Variants in GSE1 observed in about 807,000 individuals in gnomAD.
GSE1 encodes genetic suppressor element 1.
A neutral mutation model predicts 112.6 loss-of-function variants in GSE1; 32 were observed. The observed-to-expected ratio is 0.28, with a 90% CI of 0.21 to 0.38. The LOEUF is 0.38. GSE1 is among the 10% of genes least tolerant of loss of function. The pLI, the probability that GSE1 is intolerant of heterozygous loss-of-function variation, is 1.00. For synonymous variants in GSE1, 1,115 were observed against 735.6 expected, an observed-to-expected ratio of 1.52 and a Z score of -8.35; for missense variants, 2,348 against 1,699.2, an observed-to-expected ratio of 1.38 and a Z score of -6.71.
chr16:85,370,496 G>C (rs1048961691), intron 2 of GSE1, among the ~76,000 whole-genome samples: 3 of 152,174 alleles, frequency 2.0e-5, no homozygotes, highest in Non-Finnish European at 4.4e-5. Context: ...TACTTGAACT[G>C]GGCACCCAGA....
chr16:85,614,267 C>A (rs1474027136), intron 1 of GSE1, among the ~76,000 whole-genome samples: 1 of 152,106 alleles, frequency 6.6e-6, no homozygotes, highest in Non-Finnish European at 1.5e-5. Context: ...CGGCGAGTGG[C>A]CCGACCGAGT....
chr16:85,517,063 C>T (rs28435624), intron 2 of GSE1, among the ~76,000 whole-genome samples: 37,765 of 152,172 alleles, frequency 0.25, 4,976 homozygotes, highest in East Asian at 0.46. Context: ...TCCCAAAGTG[C>T]TGGCATCACA....
chr16:85,669,353 C>A (rs1324168653), intron 14 of GSE1, among the ~76,000 whole-genome samples: 1 of 152,226 alleles, frequency 6.6e-6, no homozygotes, highest in Non-Finnish European at 1.5e-5. Context: ...AACACAAAGA[C>A]TTGATTATGA....
At chr16:85,554,324 G>A (rs1452462530), upstream of GSE1, among the ~76,000 whole-genome samples, 2 of 152,158 alleles carry the variant, frequency 1.3e-5, no homozygotes, top group African/African-American at 2.4e-5. Context: ...GCGGCGTGGG[G>A]AGGAGAGATA....
intron 1 of GSE1, among the ~76,000 whole-genome samples, chr16:85,329,261 C>T (rs1181866946): frequency 6.6e-6 from 1 of 152,168 alleles, no homozygotes; most frequent in East Asian, 1.9e-4. Flanking sequence ...TGGGGGTGGA[C>T]GCTGGCTGCC....
chr16:85,308,547 A>G (rs576798295), intron 1 of GSE1, among the ~76,000 whole-genome samples: 4 of 152,282 alleles, frequency 2.6e-5, no homozygotes, highest in East Asian at 1.9e-4. Context: ...AGCTCTCACC[A>G]TAGCTCCTGC....
In GSE1 at chr16:85,654,842, G is replaced by C; in HGVS notation, c.648G>C (p.Glu216Asp). 1 of 1,612,056 alleles carries C rather than the reference G, an allele frequency of 6.2e-7. No homozygotes were observed. The highest frequency in any genetic ancestry group is 1.7e-5 in the Admixed American group (1 of 59,962). ...HHVVPPSTVT[E>D]DYLRSFRPYH... ...TGGTGCCCCCCAGTACCGTGACCGA[G>C]GACTACCTGAGAAGCTTCCGGCCCT... is the stretch of plus-strand genomic sequence containing the variant. The change falls in exon 5 of 16, where the codon GAG becomes GAC. Residue 216 changes from glutamate to aspartate, a missense_variant. By Grantham distance (45) the Glu-to-Asp change is conservative (BLOSUM62 2). Transcript: ENST00000253458.
intron 1 of GSE1, among the ~76,000 whole-genome samples, chr16:85,257,432 A>G (rs1907204240): frequency 6.6e-6 from 1 of 152,082 alleles, no homozygotes; most frequent in Non-Finnish European, 1.5e-5. Flanking sequence ...TTTCTACCAT[A>G]TTTCCCCAGG....
At chr16:85,590,581 G>A (rs2046960630) in intron 1 of GSE1, among the ~76,000 whole-genome samples, 1 of 151,974 alleles carries the variant, frequency 6.6e-6, no homozygotes, top group Non-Finnish European at 1.5e-5. Flanking sequence ...GAATGAGTAT[G>A]AACATGTGTG....
At chr16:85,537,103 G>A (rs1196906211) in intron 2 of GSE1, among the ~76,000 whole-genome samples, 2 of 152,212 alleles carry the variant, frequency 1.3e-5, no homozygotes, top group African/African-American at 4.8e-5. Context: ...CGAGACAGGA[G>A]GGAGATTCCA....
intron 1 of GSE1, among the ~76,000 whole-genome samples, chr16:85,625,255 G>A (rs183869778): frequency 6.6e-6 from 1 of 152,330 alleles, no homozygotes; most frequent in African/African-American, 2.4e-5. Context: ...CAGCCGCTTA[G>A]GATAATCGCG....
chr16:85,637,520 C>G (rs1056882680), intron 2 of GSE1, among the ~76,000 whole-genome samples: 1 of 152,042 alleles, frequency 6.6e-6, no homozygotes, highest in Non-Finnish European at 1.5e-5. Flanking sequence ...GCGGCAGTGG[C>G]TATGTATTGA....
Position 85,311,646 on chromosome 16 carries a change from C to T in GSE1, c.2284-45817C>T, listed in dbSNP as rs1037302189. ...GGGTCCTTCTCCAGGGCCCCTTGGG[C>T]TGTGTACCTGGGCCTGGTGGCTCTG... On this transcript the variant is annotated intron_variant, in intron 1 of 2. Transcript: ENST00000637419. The surrounding 1 kb of genome is among the most constrained non-coding windows in gnomAD (Gnocchi z 4.2). Among the ~76,000 whole-genome samples, 4 of 152,186 alleles carry T rather than the reference C, an allele frequency of 2.6e-5. No individual in the cohort carries two copies. The highest frequency in any genetic ancestry group is 4.4e-5 in the Non-Finnish European group (3 of 68,022).
intron 14 of GSE1, among the ~76,000 whole-genome samples, chr16:85,669,949 C>G (rs1486015379): frequency 2.0e-5 from 3 of 152,212 alleles, no homozygotes; most frequent in Non-Finnish European, 4.4e-5. Flanking sequence ...TGTTTTTAGC[C>G]CATGGCTTTC....
At chr16:85,600,000 G>A (rs1039527127) in intron 1 of GSE1, among the ~76,000 whole-genome samples, 3 of 152,178 alleles carry the variant, frequency 2.0e-5, no homozygotes, top group Admixed American at 1.3e-4. Context: ...ACCTGGCAAG[G>A]TCCCTCCTGT....
At position 85,490,278 on chromosome 16, in the gene GSE1, A is replaced by C. The variant is rs532995922; in HGVS notation, c.2464+132635A>C. 5 of 152,344 alleles carry C rather than the reference A, an allele frequency of 3.3e-5. No homozygotes were observed. In the South Asian group the frequency reaches 1.0e-3, roughly 32 times the overall value. The allele number at this position is 152,344 out of a possible 1,614,324, so 9.4% of individuals were successfully genotyped here. The stretch of plus-strand genomic sequence containing the variant: ...AATCAACAAGAGCTGCTAGGTGCTC[A>C]TGTGGGCAGGTGGGGCCTTCACGGA... On this transcript the variant is annotated intron_variant, in intron 2 of 2. Transcript: ENST00000637419.
At chr16:85,491,326 G>A (rs1182848500) in intron 2 of GSE1, among the ~76,000 whole-genome samples, 1 of 152,190 alleles carries the variant, frequency 6.6e-6, no homozygotes, top group Non-Finnish European at 1.5e-5. Context: ...GGGTGCCCTG[G>A]AGCCACGAGG....
intron 1 of GSE1, among the ~76,000 whole-genome samples, chr16:85,614,667 G>C (rs763702423): frequency 2.3e-4 from 35 of 152,230 alleles, no homozygotes; most frequent in Non-Finnish European, 2.8e-4. Context: ...CGGGTTCCCA[G>C]CTGGGCGGTG....
At chr16:85,588,141 G>A (rs2046795546) in intron 1 of GSE1, among the ~76,000 whole-genome samples, 1 of 152,190 alleles carries the variant, frequency 6.6e-6, no homozygotes, top group African/African-American at 2.4e-5. Flanking sequence ...ACTGGGGTGA[G>A]CCCCTCTCCC....
Sources: allele counts gnomAD v4.1 joint callset (sites outside exome capture counted in the v4.1 genomes callset), GRCh38; gene constraint gnomAD v4.1.1; non-coding constraint Gnocchi (gnomAD v3.1); transcripts MANE v1.5; gene names NCBI Gene and HGNC (gene_info 2026-07-23, HGNC 2026-07-21).